Variants in SPOCK1 observed in about 807,000 individuals in gnomAD.
SPOCK1 encodes the protein testican-1.
Under a neutral mutation model 55.3 loss-of-function variants are expected in SPOCK1, and 23 were observed. That is an observed-to-expected ratio of 0.42 (90% confidence interval 0.30 to 0.59). SPOCK1 has a LOEUF of 0.59. Ranked by LOEUF, SPOCK1 falls within the 20% of genes least tolerant of loss-of-function variation. The probability of loss-of-function intolerance (pLI) is 0.22; values close to 1 mark genes in which losing one functional copy is unlikely to be tolerated. For synonymous variants in SPOCK1, 226 were observed against 221.0 expected, an observed-to-expected ratio of 1.02 and a Z score of -0.20; for missense variants, 499 against 552.5, an observed-to-expected ratio of 0.90 and a Z score of 0.97.
In SPOCK1 at chr5:137,229,877, C is replaced by T. The variant is rs565029556; in HGVS notation, c.232+37133G>A. On this transcript the variant is annotated intron_variant, in intron 3 of 10. Transcript: ENST00000394945. Reference sequence around the variant, plus strand: ...TCGTACTCCTATGAGAATCTAATACCGCAACTGATCTGACAGGAGGCAGAG... The same window carrying T: ...TCGTACTCCTATGAGAATCTAATACTGCAACTGATCTGACAGGAGGCAGAG... 3.9e-5 allele frequency among the ~76,000 whole-genome samples: 6 copies of T among 152,194 alleles called. No homozygotes were observed. The South Asian group carries it at 6.2e-4, about 16-fold the overall frequency.
intron 2 of SPOCK1, among the ~76,000 whole-genome samples, chr5:137,363,242 A>T (rs970547924): frequency 6.6e-6 from 1 of 152,180 alleles, no homozygotes; most frequent in Non-Finnish European, 1.5e-5. Flanking sequence ...AACAGAATAA[A>T]ATAGGTCCAG....
intron 6 of SPOCK1, among the ~76,000 whole-genome samples, chr5:137,028,055 G>C (rs1338346085): frequency 6.6e-6 from 1 of 152,146 alleles, no homozygotes; most frequent in Non-Finnish European, 1.5e-5. Context: ...AAGAGGGAGG[G>C]CATTTTCCAC....
intron 2 of SPOCK1, among the ~76,000 whole-genome samples, chr5:137,362,007 C>A (rs1462815576): frequency 6.6e-6 from 1 of 152,126 alleles, no homozygotes; most frequent in African/African-American, 2.4e-5. Flanking sequence ...GCGAGCTGTT[C>A]AGAGATGGAG....
chr5:137,181,697 C>T (rs1754973099), intron 3 of SPOCK1, among the ~76,000 whole-genome samples: 1 of 152,236 alleles, frequency 6.6e-6, no homozygotes, highest in Non-Finnish European at 1.5e-5. Flanking sequence ...CATTAGCTGA[C>T]AAACAGGCTT....
At chr5:137,407,906 A>G (rs893153152) in intron 2 of SPOCK1, among the ~76,000 whole-genome samples, 5 of 152,082 alleles carry the variant, frequency 3.3e-5, no homozygotes, top group Admixed American at 1.3e-4. Context: ...TCCAAGCCAC[A>G]GGGCCCTGCA....
intron 3 of SPOCK1, among the ~76,000 whole-genome samples, chr5:137,220,470 C>T (rs1247118000): frequency 6.6e-6 from 1 of 152,188 alleles, no homozygotes; most frequent in Admixed American, 6.5e-5. Context: ...ATTTAGATTA[C>T]TTAATCCTCA....
At chr5:137,424,593 G>GCTGGAAACAATC (rs1403482475) in intron 2 of SPOCK1, among the ~76,000 whole-genome samples, 3 of 152,136 alleles carry the variant, frequency 2.0e-5, no homozygotes, top group Non-Finnish European at 4.4e-5. Flanking sequence ...ATAGTCTCAA[G>GCTGGAAACAATC]CTGGAAACAA....
chr5:137,486,562 C>G (rs908969236), intron 2 of SPOCK1, among the ~76,000 whole-genome samples: 2 of 152,186 alleles, frequency 1.3e-5, no homozygotes, highest in Non-Finnish European at 2.9e-5. Flanking sequence ...ACATGGTAGC[C>G]TGGTCAGTAA....
At chr5:137,401,085 A>C (rs1373342416) in intron 2 of SPOCK1, among the ~76,000 whole-genome samples, 1 of 152,058 alleles carries the variant, frequency 6.6e-6, no homozygotes, top group Non-Finnish European at 1.5e-5. Flanking sequence ...TACCAAATCC[A>C]ACATACAACC....
chr5:137,316,355 A>C (rs539246750), intron 2 of SPOCK1, among the ~76,000 whole-genome samples: 20 of 152,188 alleles, frequency 1.3e-4, no homozygotes, highest in Admixed American at 3.9e-4. Flanking sequence ...GCTAGAAAAA[A>C]TCCTTTTATG....
chr5:137,161,125 A>G (rs1354315188), intron 3 of SPOCK1, among the ~76,000 whole-genome samples: 1 of 147,344 alleles, frequency 6.8e-6, no homozygotes, highest in Non-Finnish European at 1.5e-5. Context: ...AATATATATA[A>G]TATTCCTAGA....
chr5:137,299,194 T>A (rs1260884867), intron 2 of SPOCK1, among the ~76,000 whole-genome samples: 1 of 152,128 alleles, frequency 6.6e-6, no homozygotes, highest in East Asian at 1.9e-4. Flanking sequence ...TAAAACAGTC[T>A]AGGCAGAGTT....
chr5:137,101,482 T>C (rs1753263481), intron 5 of SPOCK1, among the ~76,000 whole-genome samples: 3 of 152,250 alleles, frequency 2.0e-5, no homozygotes. Context: ...TTACATGGCA[T>C]TCTACTCAGG....
intron 3 of SPOCK1, among the ~76,000 whole-genome samples, chr5:137,186,545 C>A (rs572098731): frequency 1.4e-4 from 21 of 152,328 alleles, no homozygotes; most frequent in South Asian, 4.1e-4. Flanking sequence ...CTTCACAAGG[C>A]AATGGGAAGG....
intron 2 of SPOCK1, among the ~76,000 whole-genome samples, chr5:137,364,107 G>A (rs1303121473): frequency 6.6e-6 from 1 of 152,170 alleles, no homozygotes; most frequent in Non-Finnish European, 1.5e-5. Flanking sequence ...AATAAACTCT[G>A]ATCTTATTAA....
At chr5:137,063,528 G>C (rs905511344) in intron 6 of SPOCK1, among the ~76,000 whole-genome samples, 15 of 152,158 alleles carry the variant, frequency 9.9e-5, no homozygotes, top group African/African-American at 3.6e-4. Context: ...AGCACACTAG[G>C]AGATTGGAAG....
At chr5:137,179,943 T>C (rs1429018269) in intron 3 of SPOCK1, among the ~76,000 whole-genome samples, 2 of 152,204 alleles carry the variant, frequency 1.3e-5, no homozygotes, top group African/African-American at 2.4e-5. Context: ...GTGCCCTCAC[T>C]GATGCCAGGC....
intron 6 of SPOCK1, among the ~76,000 whole-genome samples, chr5:137,063,645 AGT>A (rs1752439592): frequency 6.6e-6 from 1 of 152,168 alleles, no homozygotes. Flanking sequence ...CATGCAGGTG[AGT>A]GTTGGATTCT....
At chr5:137,111,206 A>G (rs956916891) in intron 5 of SPOCK1, among the ~76,000 whole-genome samples, 1 of 152,094 alleles carries the variant, frequency 6.6e-6, no homozygotes, top group African/African-American at 2.4e-5. Context: ...CACAGAGAAC[A>G]GAAGTGGCCA....
Sources: gnomAD v4.1 joint callset for allele counts (sites outside exome capture counted in the v4.1 genomes callset) on GRCh38, gnomAD v4.1.1 for gene constraint, MANE v1.5 for transcripts, NCBI Gene and HGNC (gene_info 2026-07-23, HGNC 2026-07-21) for gene names.